The following OSBPL8 variants were observed in gnomAD, a reference collection of about 807,000 sequenced individuals.
The protein encoded by OSBPL8 is oxysterol binding protein like 8, also known as oxysterol-binding protein-related protein 8.
A neutral mutation model predicts 125.5 loss-of-function variants in OSBPL8; 59 were observed. The observed-to-expected ratio is 0.47, with a 90% CI of 0.38 to 0.58. The LOEUF (loss-of-function observed/expected upper bound fraction) is 0.58. Among genes scored for constraint, OSBPL8 ranks in the 20% least tolerant of loss-of-function variants. OSBPL8 has a pLI of 0.00. For synonymous variants in OSBPL8, 330 were observed against 338.9 expected (o/e 0.97, Z 0.29); for missense variants, 758 against 1,047.8 (o/e 0.72, Z 3.82).
At chr12:76,468,104 G>A (rs1875685140) in intron 2 of OSBPL8, among the ~76,000 whole-genome samples, 1 of 152,042 alleles carries the variant, frequency 6.6e-6, no homozygotes, top group Admixed American at 6.6e-5. Context: ...TAGACATAAG[G>A]CAGAATTACT....
At chr12:76,554,011 C>T (rs1316127601) in intron 1 of OSBPL8, among the ~76,000 whole-genome samples, 1 of 146,426 alleles carries the variant, frequency 6.8e-6, no homozygotes, top group Non-Finnish European at 1.5e-5. Flanking sequence ...AAAAAAAATG[C>T]ATACCAATTC....
chr12:76,543,841 C>G (rs1269865371), intron 1 of OSBPL8, among the ~76,000 whole-genome samples: 1 of 152,084 alleles, frequency 6.6e-6, no homozygotes, highest in African/African-American at 2.4e-5. Flanking sequence ...GGTAGCTGCC[C>G]AGAATTAAAC....
At chr12:76,484,778 T>C (rs987658274) in intron 2 of OSBPL8, among the ~76,000 whole-genome samples, 1 of 152,168 alleles carries the variant, frequency 6.6e-6, no homozygotes, top group African/African-American at 2.4e-5. Context: ...AACTCAAAAG[T>C]GGACCTCAAC....
At chr12:76,373,549 C>T (rs1192957552) in intron 17 of OSBPL8, 116 bp from the exon 18 acceptor site, 3 of 530,232 alleles carry the variant, frequency 5.7e-6, no homozygotes, top group Non-Finnish European at 9.5e-6. Flanking sequence ...CTATTGAATG[C>T]ACAAGCAGTA....
At chr12:76,486,951 G>A in intron 2 of OSBPL8, among the ~76,000 whole-genome samples, 1 of 151,760 alleles carries the variant, frequency 6.6e-6, no homozygotes, top group South Asian at 2.1e-4. Context: ...TAAAATAAGA[G>A]GAGGAGGATG....
At position 76,528,480 on chromosome 12, in the gene OSBPL8, C is replaced by T. The variant is rs145190196; in HGVS notation, c.-68+30917G>A. 7.6e-3 allele frequency among the ~76,000 whole-genome samples: 1,152 copies of T among 152,088 alleles called. 8 individuals are homozygous for T. The highest frequency in any genetic ancestry group is 0.013 in the Admixed American group (196 of 15,270). ...TGTGCTTTTAGACAATTTGAACAAT[C>T]CTTTTATATTTTATATATAAATCAT... On this transcript the variant is annotated intron_variant, in intron 1 of 23. Transcript: ENST00000261183.
At chr12:76,506,125 A>C (rs1485434415) in intron 1 of OSBPL8, among the ~76,000 whole-genome samples, 1 of 152,208 alleles carries the variant, frequency 6.6e-6, no homozygotes, top group East Asian at 1.9e-4. Context: ...TATAAGGTGT[A>C]AATTTTTTAA....
chr12:76,454,305 C>G (rs1873754001), intron 3 of OSBPL8, among the ~76,000 whole-genome samples: 1 of 152,152 alleles, frequency 6.6e-6, no homozygotes, highest in Non-Finnish European at 1.5e-5. Flanking sequence ...TTAATAAATT[C>G]TGGCATATCC....
intron 23 of OSBPL8, 141 bp from the exon 24 acceptor site, chr12:76,356,162 T>TGGG: frequency 2.0e-4 from 27 of 136,872 alleles, no homozygotes; most frequent in South Asian, 5.4e-4. Flanking sequence ...TATGTAGGGG[T>TGGG]GGGGGGGGGC....
At chr12:76,469,691 T>C (rs1875889181) in intron 2 of OSBPL8, among the ~76,000 whole-genome samples, 1 of 152,190 alleles carries the variant, frequency 6.6e-6, no homozygotes, top group Non-Finnish European at 1.5e-5. Context: ...ATTTTGTTAC[T>C]CTCTATCCTT....
chr12:76,510,570 C>G (rs1470248794), intron 1 of OSBPL8, among the ~76,000 whole-genome samples: 1 of 152,126 alleles, frequency 6.6e-6, no homozygotes, highest in Non-Finnish European at 1.5e-5. Flanking sequence ...TTGCAGGGCT[C>G]AAAACACATT....
intron 2 of OSBPL8, among the ~76,000 whole-genome samples, chr12:76,482,837 A>G (rs933162746): frequency 1.3e-5 from 2 of 152,246 alleles, no homozygotes; most frequent in Admixed American, 6.5e-5. Context: ...TGTGTGGCAT[A>G]TAAGTACCAC....
chr12:76,399,264 T>C (rs1953950993), intron 7 of OSBPL8, among the ~76,000 whole-genome samples: 1 of 152,026 alleles, frequency 6.6e-6, no homozygotes, highest in African/African-American at 2.4e-5. Flanking sequence ...AGTACTAAAA[T>C]TTTCTGTGAG....
chr12:76,457,423 T>A lies in OSBPL8; in HGVS notation c.79+2436A>T, dbSNP rs976242160. Among the ~76,000 whole-genome samples, 172 of 152,374 alleles carry A rather than the reference T, an allele frequency of 1.1e-3. 1 individual carries two copies. The highest frequency in any genetic ancestry group is 3.8e-3 in the African/African-American group (157 of 41,592). On this transcript the variant is annotated intron_variant, in intron 3 of 23. Transcript: ENST00000261183. ...TAAACTAGTACCTACATATATTTTA[T>A]GCATTCATGATATACCTAACCTTTC...
Position 76,384,270 on chromosome 12 carries a change from A to C in OSBPL8, c.1614T>G (p.Ala538=), listed in dbSNP as rs144219482. The change falls in exon 15 of 24, where the codon GCT becomes GCG. Residue 538 remains alanine (A), a synonymous_variant. Coordinates refer to ENST00000261183, the MANE Select transcript of OSBPL8 (RefSeq NM_020841.5). ...AAAACTCACCATAAAACTTAGACTT[A>C]GCCAGGATACTACCGCTAAGGCAAA... ...DGFCLSGSIL[A]KSKFYGNSLS... 6.5e-7 allele frequency: 1 copy of C among 1,542,334 alleles called. No homozygotes were observed. The highest frequency in any genetic ancestry group is 1.4e-5 in the African/African-American group (1 of 73,972).
chr12:76,451,308 C>G (rs1873383371), intron 3 of OSBPL8, among the ~76,000 whole-genome samples: 2 of 151,040 alleles, frequency 1.3e-5, no homozygotes, highest in South Asian at 4.2e-4. Context: ...TTTATATTTA[C>G]CAACAAAATA....
intron 1 of OSBPL8, among the ~76,000 whole-genome samples, chr12:76,539,485 G>A (rs989201570): frequency 6.6e-6 from 1 of 151,934 alleles, no homozygotes; most frequent in Non-Finnish European, 1.5e-5. Context: ...AAAATAAAAG[G>A]AAATACAAAT....
intron 2 of OSBPL8, among the ~76,000 whole-genome samples, chr12:76,483,810 G>A (rs1162678271): frequency 6.6e-6 from 1 of 150,970 alleles, no homozygotes; most frequent in Non-Finnish European, 1.5e-5. Flanking sequence ...GGGTAGCTGG[G>A]ATTACAGGTG....
intron 4 of OSBPL8, among the ~76,000 whole-genome samples, chr12:76,439,803 T>G (rs1483978492): frequency 6.6e-6 from 1 of 152,206 alleles, no homozygotes; most frequent in African/African-American, 2.4e-5. Flanking sequence ...ATAATATCTT[T>G]TAAACATCTA....
Sources: allele counts gnomAD v4.1 joint callset (sites outside exome capture counted in the v4.1 genomes callset), GRCh38; gene constraint gnomAD v4.1.1; transcripts MANE v1.5; gene names NCBI Gene and HGNC (gene_info 2026-07-23, HGNC 2026-07-21).